PLCXD3: variants seen among roughly 807,000 people sequenced by gnomAD.
The protein encoded by PLCXD3 is PI-PLC X domain-containing protein 3.
In PLCXD3, 19 loss-of-function variants were observed where a neutral mutation model predicts 25.5. The ratio of observed to expected loss-of-function variants is 0.75; its 90% CI spans 0.52 to 1.09. The LOEUF is 1.09. Ranked by LOEUF, PLCXD3 falls within the 50% of genes least tolerant of loss-of-function variation. The pLI, the probability that PLCXD3 is intolerant of heterozygous loss-of-function variation, is 0.00. For missense variants in PLCXD3, 411 were observed against 388.1 expected, an observed-to-expected ratio of 1.06 and a Z score of -0.50; for synonymous variants, 174 against 137.6, an observed-to-expected ratio of 1.26 and a Z score of -1.85.
rs567533191 is a variant in PLCXD3 at position 41,410,115 on chromosome 5, T to C, written c.104-27581A>G. Reference sequence around the variant, plus strand: ...GGGTACTTTAGATAGATTAATGTCTTCTAAAGCCCCCCTCCTTTTATTTAT... The same window carrying C: ...GGGTACTTTAGATAGATTAATGTCTCCTAAAGCCCCCCTCCTTTTATTTAT... On this transcript the variant is annotated intron_variant, in intron 1 of 2. Coordinates refer to ENST00000377801, the MANE Select transcript of PLCXD3 (RefSeq NM_001005473.3). 2.0e-5 allele frequency among the ~76,000 whole-genome samples: 3 copies of C among 150,868 alleles called. No homozygotes were observed. The South Asian group carries it at 6.3e-4, about 32-fold the overall frequency.
At chr5:41,465,752 A>C (rs1373006492) in intron 1 of PLCXD3, among the ~76,000 whole-genome samples, 1 of 152,034 alleles carries the variant, frequency 6.6e-6, no homozygotes, top group Non-Finnish European at 1.5e-5. Flanking sequence ...GCCATTATGA[A>C]CATCTATTCT....
At chr5:41,331,130 C>T (rs1460629048) in intron 2 of PLCXD3, among the ~76,000 whole-genome samples, 1 of 152,086 alleles carries the variant, frequency 6.6e-6, no homozygotes, top group Non-Finnish European at 1.5e-5. Flanking sequence ...CAAGGGTATT[C>T]GATTAGGAAA....
At chr5:41,457,981 A>G (rs1461888560) in intron 1 of PLCXD3, among the ~76,000 whole-genome samples, 1 of 151,848 alleles carries the variant, frequency 6.6e-6, no homozygotes, top group Non-Finnish European at 1.5e-5. Flanking sequence ...GGGGACAAAG[A>G]AAAAAATAGA....
intron 2 of PLCXD3, among the ~76,000 whole-genome samples, chr5:41,326,446 G>A (rs1279521864): frequency 6.6e-6 from 1 of 152,106 alleles, no homozygotes; most frequent in African/African-American, 2.4e-5. Flanking sequence ...TCAGCAGTGT[G>A]TATGAGTTTT....
At chr5:41,337,887 A>G (rs1744029457) in intron 2 of PLCXD3, among the ~76,000 whole-genome samples, 1 of 152,168 alleles carries the variant, frequency 6.6e-6, no homozygotes, top group African/African-American at 2.4e-5. Context: ...CTGAGTTAGA[A>G]GAGTATTTCC....
intron 1 of PLCXD3, among the ~76,000 whole-genome samples, chr5:41,502,524 T>C (rs1428994162): frequency 1.3e-5 from 2 of 152,074 alleles, no homozygotes; most frequent in Non-Finnish European, 2.9e-5. Context: ...ACAGATGAAG[T>C]AGGAAGAAGG....
At chr5:41,420,481 A>C (rs1421531163) in intron 1 of PLCXD3, among the ~76,000 whole-genome samples, 1 of 152,222 alleles carries the variant, frequency 6.6e-6, no homozygotes, top group East Asian at 1.9e-4. Flanking sequence ...AGATTATAAT[A>C]ATCACGTTTT....
intron 1 of PLCXD3, among the ~76,000 whole-genome samples, chr5:41,481,102 T>TAAAAA (rs554092157): frequency 3.6e-3 from 261 of 72,276 alleles, no homozygotes; most frequent in East Asian, 9.0e-3. Flanking sequence ...ACCTAATTTG[T>TAAAAA]AAAAAAAAAA....
intron 1 of PLCXD3, among the ~76,000 whole-genome samples, chr5:41,416,280 A>T (rs1746691238): frequency 6.6e-6 from 1 of 152,180 alleles, no homozygotes; most frequent in Non-Finnish European, 1.5e-5. Context: ...TATCTAGGAC[A>T]TTTAGCTTTG....
rs148520631 is a variant in PLCXD3, at chr5:41,342,433, ACT to A, written c.813-28665_813-28664del. 8.8e-3 allele frequency among the ~76,000 whole-genome samples: 1,344 copies of A among 152,086 alleles called. 16 individuals are homozygous for A. Among genetic ancestry groups the A allele is most frequent in the African/African-American group, 0.03 (1,263 of 41,484 alleles). On this transcript the variant is annotated intron_variant, in intron 2 of 2. Transcript: ENST00000377801. ...ATCTGTCAATAATTAGATTTTATTG[ACT>A]CTGTTTCCCAAACTTGTTAATAATG...
chr5:41,333,292 A>G (rs1036472605), intron 2 of PLCXD3, among the ~76,000 whole-genome samples: 1 of 152,134 alleles, frequency 6.6e-6, no homozygotes, highest in African/African-American at 2.4e-5. Flanking sequence ...ATTAAAGTCA[A>G]CTGTGACAGA....
At chr5:41,393,734 A>G (rs905991759) in intron 1 of PLCXD3, among the ~76,000 whole-genome samples, 3 of 152,066 alleles carry the variant, frequency 2.0e-5, no homozygotes, top group Non-Finnish European at 1.5e-5. Flanking sequence ...CCTGGCTAAC[A>G]TGGTGAAACC....
At chr5:41,389,429 A>G (rs1200176883) in intron 1 of PLCXD3, among the ~76,000 whole-genome samples, 3 of 152,176 alleles carry the variant, frequency 2.0e-5, no homozygotes, top group South Asian at 2.1e-4. Flanking sequence ...GACATAGCTG[A>G]ATTTTTGAGC....
At chr5:41,487,398 C>A (rs1748543390) in intron 1 of PLCXD3, among the ~76,000 whole-genome samples, 1 of 152,144 alleles carries the variant, frequency 6.6e-6, no homozygotes, top group Non-Finnish European at 1.5e-5. Context: ...AGCCTTTGTG[C>A]AAGGGCAGAG....
At chr5:41,337,315 G>C (rs1405054387) in intron 2 of PLCXD3, among the ~76,000 whole-genome samples, 1 of 152,038 alleles carries the variant, frequency 6.6e-6, no homozygotes, top group Non-Finnish European at 1.5e-5. Context: ...TATATAAAAG[G>C]CTCAGAAAAT....
intron 2 of PLCXD3, among the ~76,000 whole-genome samples, chr5:41,359,447 G>A (rs373524579): frequency 6.6e-6 from 1 of 152,092 alleles, no homozygotes; most frequent in Non-Finnish European, 1.5e-5. Context: ...ATCTGGGAGG[G>A]TTGTATATTT....
Position 41,510,536 on chromosome 5 carries a change from C to G in PLCXD3, c.-10G>C. 1 of 1,609,966 alleles carries G rather than the reference C, an allele frequency of 6.2e-7. No individual in the cohort carries two copies. Among genetic ancestry groups the G allele is most frequent in the Non-Finnish European group, 8.5e-7 (1 of 1,177,126 alleles). On this transcript the variant is annotated 5_prime_UTR_variant, in exon 1 of 3. Coordinates refer to ENST00000377801, the MANE Select transcript of PLCXD3 (RefSeq NM_001005473.3). Reference sequence around the variant, plus strand: ...CCTGAGACGAGGCCATCGTGCCAGTCGGCGTGCAGCGCGCTGGTCCCAGCA... The same window carrying G: ...CCTGAGACGAGGCCATCGTGCCAGTGGGCGTGCAGCGCGCTGGTCCCAGCA...
intron 1 of PLCXD3, among the ~76,000 whole-genome samples, chr5:41,428,916 G>C (rs2150508094): frequency 6.6e-6 from 1 of 152,174 alleles, no homozygotes; most frequent in African/African-American, 2.4e-5. Context: ...TTTAACCATA[G>C]ACTATTTCAA....
intron 1 of PLCXD3, among the ~76,000 whole-genome samples, chr5:41,447,709 A>G (rs775135141): frequency 7.2e-5 from 11 of 152,234 alleles, no homozygotes; most frequent in Non-Finnish European, 1.3e-4. Context: ...GGAGGAAGCC[A>G]TTACAGCTAT....
Sources: allele counts gnomAD v4.1 joint callset (sites outside exome capture counted in the v4.1 genomes callset), GRCh38; gene constraint gnomAD v4.1.1; transcripts MANE v1.5; gene names NCBI Gene and HGNC (gene_info 2026-07-23, HGNC 2026-07-21).